Variants in TTI1 observed in about 807,000 individuals in gnomAD.
TTI1 encodes the protein TELO2-interacting protein 1 homolog.
Under a neutral mutation model 85.4 loss-of-function variants are expected in TTI1, and 52 were observed. That is an observed-to-expected ratio of 0.61 (90% confidence interval 0.49 to 0.77). The LOEUF is 0.77. Among genes scored for constraint, TTI1 ranks in the 30% least tolerant of loss-of-function variants. The pLI, the probability that TTI1 is intolerant of heterozygous loss-of-function variation, is 0.00. For missense variants in TTI1, 1,173 were observed against 1,296.0 expected, an observed-to-expected ratio of 0.91 and a Z score of 1.46; for synonymous variants, 512 against 503.9, an observed-to-expected ratio of 1.02 and a Z score of -0.22.
chr20:38,010,637 A>AT (rs11476947), intron 2 of TTI1, among the ~76,000 whole-genome samples: 32 of 147,570 alleles, frequency 2.2e-4, no homozygotes, highest in Admixed American at 4.1e-4. Flanking sequence ...CGTCTGGCTA[A>AT]TTTTTTTTTT....
chr20:38,026,099 A>T (rs1224069592), intron 1 of TTI1, among the ~76,000 whole-genome samples: 2 of 152,258 alleles, frequency 1.3e-5, no homozygotes, highest in East Asian at 3.8e-4. Flanking sequence ...TAATTTCTGA[A>T]AACTAACAAC....
At position 38,005,219 on chromosome 20, in the gene TTI1, A is replaced by C. The variant is rs189761625; in HGVS notation, c.2503+978T>G. Among the ~76,000 whole-genome samples the C allele has an allele frequency of 8.0e-3, 1,218 of 152,332 alleles. 12 individuals carry two copies. The highest frequency in any genetic ancestry group is 0.013 in the Non-Finnish European group (915 of 68,030). On this transcript the variant is annotated intron_variant, in intron 3 of 7. Coordinates refer to ENST00000373447, the MANE Select transcript of TTI1 (RefSeq NM_001303457.2). The stretch of plus-strand genomic sequence containing the variant: ...AAGAAACGTTTTATTCCAACCTCAC[A>C]AACTAATTTGGGACTCGGTTCGATT...
intron 7 of TTI1, among the ~76,000 whole-genome samples, chr20:37,995,775 A>G (rs1363643654): frequency 1.3e-5 from 2 of 152,258 alleles, no homozygotes; most frequent in African/African-American, 2.4e-5. Context: ...AAACTCTTAG[A>G]AATTGGAATC....
At chr20:38,002,553 C>G in intron 4 of TTI1, 75 bp downstream of exon 4, 1 of 1,572,994 alleles carries the variant, frequency 6.4e-7, no homozygotes, top group Non-Finnish European at 8.7e-7. Flanking sequence ...CGTGCTCATC[C>G]GTGTAGCCAC....
Position 38,013,558 on chromosome 20 carries a change from C to T in TTI1, c.259G>A (p.Val87Met). ...CLTFVLSSTCVKEQELLQELF... is the reference protein window; with the variant it reads ...CLTFVLSSTCMKEQELLQELF... ...TCCTGGAGAAGCTCCTGTTCTTTCA[C>T]ACATGTTGAAGAAAGGACAAATGTG... Residue 87 changes from valine to methionine, a missense_variant, in exon 2 of 8, where the codon GTG becomes ATG. Physicochemically the swap from Val to Met is conservative, Grantham distance 21. Coordinates refer to ENST00000373447, the MANE Select transcript of TTI1 (RefSeq NM_001303457.2). The T allele has an allele frequency of 6.2e-7, 1 of 1,614,200 alleles. No homozygotes were observed. Among genetic ancestry groups the T allele is most frequent in the Non-Finnish European group, 8.5e-7 (1 of 1,180,040 alleles).
rs574637404 is a variant in TTI1, at chr20:38,015,368, C to A, written c.-41-1511G>T. 5.9e-5 allele frequency among the ~76,000 whole-genome samples: 9 copies of A among 152,254 alleles called. No individual in the cohort carries two copies. The South Asian group carries it at 1.9e-3, about 32-fold the overall frequency. ...GAGAAGGGAAGAAGCTTGACTCTTC[C>A]CTATCTCAGGCTAGAAAAATGCCAC... is the stretch of plus-strand genomic sequence containing the variant. On this transcript the variant is annotated intron_variant, in intron 1 of 7. Transcript: ENST00000373447.
intron 1 of TTI1, among the ~76,000 whole-genome samples, chr20:38,020,702 A>T: frequency 6.6e-6 from 1 of 152,332 alleles, no homozygotes; most frequent in South Asian, 2.1e-4. Flanking sequence ...CTGAATAGAC[A>T]TATCACAAAA....
chr20:38,027,414 C>A (rs971019850), intron 1 of TTI1, among the ~76,000 whole-genome samples: 1 of 151,840 alleles, frequency 6.6e-6, no homozygotes, highest in African/African-American at 2.4e-5. Context: ...ATACAGTTGA[C>A]CCTTGAACAA....
chr20:37,994,041 G>C (rs2073304204), intron 7 of TTI1, among the ~76,000 whole-genome samples: 1 of 152,180 alleles, frequency 6.6e-6, no homozygotes. Flanking sequence ...TGGATGTAGG[G>C]TGTGAAGGAA....
chr20:38,021,840 G>A (rs745600093), intron 1 of TTI1, among the ~76,000 whole-genome samples: 2 of 152,184 alleles, frequency 1.3e-5, no homozygotes, highest in East Asian at 1.9e-4. Context: ...TAAAGGTGGT[G>A]AAGACAAATG....
intron 5 of TTI1, among the ~76,000 whole-genome samples, chr20:37,998,872 C>T (rs1352918139): frequency 6.6e-6 from 1 of 152,162 alleles, no homozygotes; most frequent in African/African-American, 2.4e-5. Flanking sequence ...AATTCCTTAA[C>T]TTCTCTGAGC....
intron 2 of TTI1, among the ~76,000 whole-genome samples, chr20:38,009,849 G>A (rs2073557468): frequency 6.6e-6 from 1 of 152,118 alleles, no homozygotes; most frequent in Admixed American, 6.5e-5. Flanking sequence ...GTGTTGATGG[G>A]CCTTTCTCAT....
intron 1 of TTI1, among the ~76,000 whole-genome samples, chr20:38,033,129 G>T (rs1354289699): frequency 3.9e-5 from 6 of 152,144 alleles, no homozygotes; most frequent in Non-Finnish European, 7.4e-5. Flanking sequence ...TGAGAAAGGG[G>T]ATGTCACTTT....
chr20:37,991,758 T>A (rs1019549691), intron 7 of TTI1, among the ~76,000 whole-genome samples: 2 of 152,214 alleles, frequency 1.3e-5, no homozygotes, highest in African/African-American at 2.4e-5. Context: ...CACATAGGTG[T>A]GTACACAGAT....
chr20:37,985,472 A>T (rs564835957), intron 7 of TTI1, among the ~76,000 whole-genome samples: 1 of 151,986 alleles, frequency 6.6e-6, no homozygotes, highest in South Asian at 2.1e-4. Flanking sequence ...TAGTGGACAT[A>T]CACTAAGGAG....
chr20:37,999,096 G>T, intron 5 of TTI1, 92 bp downstream of exon 5: 1 of 1,257,390 alleles, frequency 8.0e-7, no homozygotes, highest in Non-Finnish European at 1.0e-6. Context: ...CATTGCAATC[G>T]GGTGAAGAGA....
chr20:38,022,068 G>C (rs1015560220), intron 1 of TTI1, among the ~76,000 whole-genome samples: 1 of 152,188 alleles, frequency 6.6e-6, no homozygotes, highest in South Asian at 2.1e-4. Flanking sequence ...AAGGTGCAAG[G>C]CCTGTCACAA....
At chr20:37,989,747 A>G (rs1482844596) in intron 7 of TTI1, among the ~76,000 whole-genome samples, 2 of 152,218 alleles carry the variant, frequency 1.3e-5, no homozygotes, top group Non-Finnish European at 2.9e-5. Flanking sequence ...AGATAAAGAC[A>G]TCTTCATAGC....
chr20:38,010,318 C>CTAATA (rs2073564647), intron 2 of TTI1, among the ~76,000 whole-genome samples: 1 of 152,106 alleles, frequency 6.6e-6, no homozygotes. Flanking sequence ...TTCTCAGAGG[C>CTAATA]TATTAGCAGT....
Sources: allele counts gnomAD v4.1 joint callset (sites outside exome capture counted in the v4.1 genomes callset), GRCh38; gene constraint gnomAD v4.1.1; transcripts MANE v1.5; gene names NCBI Gene and HGNC (gene_info 2026-07-23, HGNC 2026-07-21).